The following GALNS variants were observed in gnomAD, a reference collection of about 807,000 sequenced individuals.
GALNS encodes galactosamine (N-acetyl)-6-sulfatase, also known as N-acetylgalactosamine-6-sulfatase.
Under a neutral mutation model 65.9 loss-of-function variants are expected in GALNS, and 65 were observed. That is an observed-to-expected ratio of 0.99 (90% CI 0.81 to 1.21). The LOEUF (loss-of-function observed/expected upper bound fraction) is 1.21. Among genes scored for constraint, GALNS ranks in the 50% most tolerant of loss-of-function variants. The pLI is 0.00. For synonymous variants in GALNS, 346 were observed against 288.9 expected (o/e 1.20, Z -2.00); for missense variants, 776 against 700.7 (o/e 1.11, Z -1.21).
chr16:88,833,652 G>A (rs540370578), intron 8 of GALNS, among the ~76,000 whole-genome samples: 6 of 151,832 alleles, frequency 4.0e-5, no homozygotes, highest in South Asian at 4.2e-4. Flanking sequence ...GGGTTTCACC[G>A]TGTTAGCCAG....
chr16:88,827,354 T>C (rs1405564053), intron 9 of GALNS, among the ~76,000 whole-genome samples: 1 of 152,192 alleles, frequency 6.6e-6, no homozygotes, highest in Admixed American at 6.5e-5. Context: ...TTTCCCGCCG[T>C]GCCTTGACCT....
chr16:88,818,277 G>A (rs988915428), intron 12 of GALNS, among the ~76,000 whole-genome samples, 153 bp from the exon 13 acceptor site: 11 of 152,156 alleles, frequency 7.2e-5, no homozygotes, highest in African/African-American at 2.4e-4. Context: ...CAGCGGCCCC[G>A]GGCCTCGCTA....
intron 8 of GALNS, 136 bp from the exon 9 acceptor site, chr16:88,832,237 C>T: frequency 1.2e-6 from 1 of 810,726 alleles, no homozygotes; most frequent in Admixed American, 2.0e-5. Context: ...AGTGCATGAT[C>T]CGAGCCTCGG....
At position 88,835,760 on chromosome 16, in the gene GALNS, G is replaced by A. The variant is rs117053987; in HGVS notation, c.723C>T (p.Ala241=). ...AVDATHAPVY[A]SKPFLGTSQR... Reference sequence around the variant, plus strand: ...GACTGGTGCCCAAGAAGGGTTTGGAGGCATAGACGGGTGCGTGCGTGGCGT... The same window carrying A: ...GACTGGTGCCCAAGAAGGGTTTGGAAGCATAGACGGGTGCGTGCGTGGCGT... The change falls in exon 7 of 14, where the codon GCC becomes GCT. Residue 241 remains alanine, a synonymous_variant. Coordinates refer to ENST00000268695, the MANE Select transcript of GALNS (RefSeq NM_000512.5). The A allele has an allele frequency of 0.012, 19,649 of 1,614,158 alleles. 167 individuals are homozygous for A. The highest frequency in any genetic ancestry group is 0.015 in the Non-Finnish European group (18,075 of 1,180,042).
chr16:88,818,591 A>G lies in GALNS; in HGVS notation c.1365-467T>C, dbSNP rs553760960. Reference sequence around the variant, plus strand: ...ATCTGCAGTTCTAAAATTCCAATGCAAGCTGCGGAGTGTTTGGATTCCTTT... The same window carrying G: ...ATCTGCAGTTCTAAAATTCCAATGCGAGCTGCGGAGTGTTTGGATTCCTTT... On this transcript the variant is annotated intron_variant, in intron 12 of 13. Coordinates refer to ENST00000268695, the MANE Select transcript of GALNS (RefSeq NM_000512.5). Among the ~76,000 whole-genome samples, 36 of 152,358 alleles carry G rather than the reference A, an allele frequency of 2.4e-4. 2 individuals are homozygous for G. The South Asian group carries it at 5.2e-3, about 22-fold the overall frequency.
rs570207991 is a variant in GALNS, at chr16:88,824,763, G to A, written c.1242+4C>T. 4 of 1,612,600 alleles carry A rather than the reference G, an allele frequency of 2.5e-6. No homozygotes were observed. Among genetic ancestry groups the A allele is most frequent in the African/African-American group, 1.3e-5 (1 of 75,042 alleles). On this transcript the variant is annotated splice_donor_region_variant and intron_variant, in intron 11 of 13. Transcript: ENST00000268695. Reference sequence around the variant, plus strand: ...CGCCTGCGCCCACGTCCCGAGCCCTGTACCTGTCTGAAGTTCTCCCAGGAG... The same window carrying A: ...CGCCTGCGCCCACGTCCCGAGCCCTATACCTGTCTGAAGTTCTCCCAGGAG...
At chr16:88,830,210 AAC>A (rs1911348034) in intron 9 of GALNS, among the ~76,000 whole-genome samples, 1 of 147,908 alleles carries the variant, frequency 6.8e-6, no homozygotes, top group Non-Finnish European at 1.5e-5. Context: ...CAGCCTGGGC[AAC>A]AGAGTGAGAC....
At chr16:88,854,352 C>A (rs566018670) in intron 1 of GALNS, among the ~76,000 whole-genome samples, 1 of 152,310 alleles carries the variant, frequency 6.6e-6, no homozygotes, top group East Asian at 1.9e-4. Flanking sequence ...TGTGAGGACC[C>A]CCTTGCACCC....
intron 4 of GALNS, 122 bp from the exon 5 acceptor site, chr16:88,837,887 A>G (rs1209561727): frequency 7.8e-6 from 8 of 1,024,178 alleles, no homozygotes; most frequent in Non-Finnish European, 1.2e-5. Flanking sequence ...AGCACTGAGT[A>G]TGGGCTATGC....
intron 13 of GALNS, chr16:88,816,057 T>C: frequency 4.1e-6 from 4 of 985,392 alleles, no homozygotes; most frequent in Non-Finnish European, 4.8e-6. Flanking sequence ...ATCTCCCCCA[T>C]GGCTCTGCTC....
intron 1 of GALNS, chr16:88,855,122 G>A (rs1233668060): frequency 3.8e-6 from 2 of 528,196 alleles, no homozygotes; most frequent in Non-Finnish European, 7.1e-6. Flanking sequence ...GCAGAAGTAG[G>A]TGAAATACAG....
chr16:88,843,029 C>T, intron 1 of GALNS, 200 bp from the exon 2 acceptor site: 2 of 1,524,224 alleles, frequency 1.3e-6, no homozygotes, highest in African/African-American at 1.4e-5. Context: ...CCAGCCCAAA[C>T]CTCAGCATCG....
chr16:88,815,977 T>G, intron 13 of GALNS: 2 of 985,294 alleles, frequency 2.0e-6, no homozygotes, highest in Non-Finnish European at 2.4e-6. Flanking sequence ...GGGGCTGGCC[T>G]GGAGTTGGCG....
rs1306003076 is a variant in GALNS at position 88,856,814 on chromosome 16, TCCCC to T, written c.60_63del (p.Gly21TrpfsTer107). 1 of 1,503,942 alleles carries T rather than the reference TCCCC, an allele frequency of 6.6e-7. No homozygotes were observed. The allele number at this position is 1,503,942 out of a possible 1,614,324, so 93.2% of individuals were successfully genotyped here. A position where few individuals can be genotyped will look rare whatever the true frequency, so the allele number is the denominator to read the frequency against. On this transcript the variant is annotated frameshift_variant, in exon 1 of 14. Transcript: ENST00000268695. LOFTEE classifies it high-confidence loss of function. ...GGCTGCGGGGCGCCCGAGGCCCCCA[TCCCC>T]GCGGCGCTGAGCACCAGCAACAGCT...
intron 12 of GALNS, among the ~76,000 whole-genome samples, chr16:88,821,586 C>T (rs1370954199): frequency 1.3e-5 from 2 of 152,194 alleles, no homozygotes; most frequent in African/African-American, 4.8e-5. Context: ...GGGGCTGCAG[C>T]CCAGGAGCCT....
intron 3 of GALNS, 47 bp from the exon 4 acceptor site, chr16:88,841,141 G>A (rs1217682943): frequency 6.9e-7 from 1 of 1,439,474 alleles, no homozygotes; most frequent in Non-Finnish European, 9.8e-7. Flanking sequence ...CCGAGAAGCT[G>A]CCACCAACCC....
intron 12 of GALNS, among the ~76,000 whole-genome samples, chr16:88,820,131 G>A (rs1011473567): frequency 5.4e-5 from 8 of 149,102 alleles, no homozygotes; most frequent in East Asian, 2.1e-4. Flanking sequence ...GCCTGGCCCC[G>A]TCGTCTTTTT....
At chr16:88,837,366 C>T (rs762646685) in intron 5 of GALNS, among the ~76,000 whole-genome samples, 14 of 152,194 alleles carry the variant, frequency 9.2e-5, no homozygotes, top group Non-Finnish European at 1.6e-4. Context: ...CTGCTGGGGG[C>T]CTTCCTCTCT....
rs77826920 is a variant in GALNS, at chr16:88,814,436, G to C, written c.*3C>G. ...CTAGGCCTGGCCTGAGTCTGCGCAGGTGCTAGTGGGACCAGAGGCACTTCT... is the reference window on the plus strand; with the variant it reads ...CTAGGCCTGGCCTGAGTCTGCGCAGCTGCTAGTGGGACCAGAGGCACTTCT... On this transcript the variant is annotated 3_prime_UTR_variant, in exon 14 of 14. Coordinates refer to ENST00000268695, the MANE Select transcript of GALNS (RefSeq NM_000512.5). 0.012 allele frequency: 18,606 copies of C among 1,557,704 alleles called. 143 individuals are homozygous for C. The highest frequency in any genetic ancestry group is 0.016 in the East Asian group (658 of 42,008).
Sources: gnomAD v4.1 joint callset for allele counts (sites outside exome capture counted in the v4.1 genomes callset) on GRCh38, gnomAD v4.1.1 for gene constraint, MANE v1.5 for transcripts, NCBI Gene and HGNC (gene_info 2026-07-23, HGNC 2026-07-21) for gene names.